Variants in KIAA1217 observed in about 807,000 individuals in gnomAD.
KIAA1217 encodes KIAA1217, also known as sickle tail protein homolog.
KIAA1217 carries 88 observed loss-of-function variants against 163.9 expected under a neutral mutation model. The observed-to-expected ratio is 0.54, with a 90% CI of 0.45 to 0.64. KIAA1217 has a LOEUF of 0.64. Ranked by LOEUF, KIAA1217 falls within the 30% of genes least tolerant of loss-of-function variation. KIAA1217 has a pLI of 0.00. For missense variants in KIAA1217, 2,372 were observed against 2,475.0 expected, an observed-to-expected ratio of 0.96 and a Z score of 0.88; for synonymous variants, 903 against 923.1, an observed-to-expected ratio of 0.98 and a Z score of 0.39.
rs1042827709 is a variant in KIAA1217, at chr10:24,513,404, A to G, written c.2147A>G (p.His716Arg). 6.2e-7 allele frequency: 1 copy of G among 1,614,080 alleles called. No homozygotes were observed. Among genetic ancestry groups the G allele is most frequent in the Non-Finnish European group, 8.5e-7 (1 of 1,180,020 alleles). Residue 716 changes from histidine (H) to arginine (R), a missense_variant, in exon 10 of 21, where the codon CAT becomes CGT. Transcript: ENST00000376454. ...GAGCAAGAGAGACAAAAATATCTTC[A>G]TGAGGAAGAGAAGATCGTCAAGAAG... ...LVEQERQKYL[H>R]EEEKIVKKLC... is the part of the protein sequence containing the mutation.
At chr10:24,537,294 G>A (rs1000403006) in intron 17 of KIAA1217, among the ~76,000 whole-genome samples, 3 of 152,074 alleles carry the variant, frequency 2.0e-5, no homozygotes, top group East Asian at 1.9e-4. Flanking sequence ...GGTAAAAATC[G>A]GCTGGGTGCA....
At chr10:24,504,615 A>G (rs1288308470) in intron 9 of KIAA1217, among the ~76,000 whole-genome samples, 1 of 152,228 alleles carries the variant, frequency 6.6e-6, no homozygotes, top group African/African-American at 2.4e-5. Flanking sequence ...ACGAAACACT[A>G]GACTAGTCTC....
rs184505125 is a variant in KIAA1217, at chr10:23,964,639, G to A, written c.-320-42586G>A. ...GGCACCATCTCGGCTCACTGCAACCGCCACCTCCCAGGTTCAATCAATTCT... is the reference window on the plus strand; with the variant it reads ...GGCACCATCTCGGCTCACTGCAACCACCACCTCCCAGGTTCAATCAATTCT... On this transcript the variant is annotated intron_variant, in intron 1 of 18. Coordinates refer to the KIAA1217 transcript ENST00000376462. 2.6e-3 allele frequency among the ~76,000 whole-genome samples: 399 copies of A among 151,660 alleles called. 1 individual carries two copies. The highest frequency in any genetic ancestry group is 8.9e-3 in the African/African-American group (367 of 41,350).
chr10:23,950,276 A>G (rs542351216), intron 1 of KIAA1217, among the ~76,000 whole-genome samples: 1 of 152,356 alleles, frequency 6.6e-6, no homozygotes, highest in East Asian at 1.9e-4. Flanking sequence ...GAAGTGCTGT[A>G]GAATTCTGTG....
chr10:24,209,266 A>C lies in KIAA1217; in HGVS notation c.70+3A>C, dbSNP rs377261163. The stretch of plus-strand genomic sequence containing the variant: ...AGCAGACAGAAGACAGATGCAGGGT[A>C]AGTAACAGACCCATTCAAAGATGGA... On this transcript the variant is annotated splice_donor_region_variant and intron_variant, in intron 1 of 20. Transcript: ENST00000376454. The C allele has an allele frequency of 6.2e-7, 1 of 1,611,628 alleles. No individual in the cohort carries two copies. Among genetic ancestry groups the C allele is most frequent in the African/African-American group, 1.3e-5 (1 of 74,834 alleles).
intron 5 of KIAA1217, among the ~76,000 whole-genome samples, chr10:24,440,169 G>A (rs1033905989): frequency 9.9e-5 from 15 of 152,082 alleles, no homozygotes; most frequent in Non-Finnish European, 2.1e-4. Flanking sequence ...AAGCTGTGTC[G>A]CTACTTCAGA....
At chr10:23,905,628 C>T (rs889926597) in intron 1 of KIAA1217, among the ~76,000 whole-genome samples, 1 of 151,928 alleles carries the variant, frequency 6.6e-6, no homozygotes, top group African/African-American at 2.4e-5. Flanking sequence ...CTTCTGAGAG[C>T]AAATAAAAGG....
intron 2 of KIAA1217, among the ~76,000 whole-genome samples, chr10:24,174,849 GTGTTGTTGT>G (rs557041494): frequency 1.3e-5 from 2 of 151,850 alleles, no homozygotes; most frequent in African/African-American, 4.8e-5. Context: ...CCAACATGTA[GTGTTGTTGT>G]TGTTGTTGTT....
intron 2 of KIAA1217, among the ~76,000 whole-genome samples, chr10:24,233,538 G>T (rs181005827): frequency 4.6e-5 from 7 of 152,308 alleles, no homozygotes; most frequent in African/African-American, 1.4e-4. Flanking sequence ...TTGAGTATGG[G>T]ATGATCCAGG....
intron 1 of KIAA1217, among the ~76,000 whole-genome samples, chr10:23,934,274 A>G (rs1344134399): frequency 1.3e-5 from 2 of 151,918 alleles, no homozygotes; most frequent in African/African-American, 2.4e-5. Flanking sequence ...ATCTTCACCA[A>G]ACTAACACAG....
intron 3 of KIAA1217, among the ~76,000 whole-genome samples, chr10:24,428,166 T>A (rs1278714819): frequency 6.6e-6 from 1 of 152,188 alleles, no homozygotes; most frequent in Non-Finnish European, 1.5e-5. Context: ...GATACTTAAC[T>A]GTAGGGACGC....
chr10:24,002,240 C>T (rs1846774415), intron 1 of KIAA1217, among the ~76,000 whole-genome samples: 1 of 152,200 alleles, frequency 6.6e-6, no homozygotes, highest in Non-Finnish European at 1.5e-5. Context: ...CAGCTGGTAA[C>T]TAGCAACTTC....
chr10:24,067,854 C>T (rs1374232478), intron 2 of KIAA1217, among the ~76,000 whole-genome samples: 2 of 152,226 alleles, frequency 1.3e-5, no homozygotes, highest in Non-Finnish European at 2.9e-5. Flanking sequence ...GGGTGCCCCT[C>T]CCCCAGCCTC....
chr10:23,916,821 A>C (rs1043811714), intron 1 of KIAA1217, among the ~76,000 whole-genome samples: 2 of 151,820 alleles, frequency 1.3e-5, no homozygotes, highest in African/African-American at 4.8e-5. Context: ...AAAATACAAA[A>C]ATTAGCTGGA....
At chr10:24,229,747 G>C (rs971909046) in intron 2 of KIAA1217, among the ~76,000 whole-genome samples, 3 of 152,076 alleles carry the variant, frequency 2.0e-5, no homozygotes, top group Non-Finnish European at 4.4e-5. Flanking sequence ...TCAAACTCCT[G>C]ACCTTGTGAT....
intron 2 of KIAA1217, among the ~76,000 whole-genome samples, chr10:24,262,491 G>T (rs931318259): frequency 6.6e-6 from 1 of 152,134 alleles, no homozygotes; most frequent in African/African-American, 2.4e-5. Context: ...GCCGGGCGAG[G>T]TGGCGGGCAA....
At chr10:24,214,253 A>G (rs541236142) in intron 1 of KIAA1217, among the ~76,000 whole-genome samples, 229 of 152,314 alleles carry the variant, frequency 1.5e-3, no homozygotes, top group Non-Finnish European at 2.7e-3. Flanking sequence ...TTAATCAGAT[A>G]GGCTAATTGT....
At position 24,473,881 on chromosome 10, in the gene KIAA1217, G is replaced by T. The variant is rs1382893922; in HGVS notation, c.1500G>T (p.Gln500His). 3.1e-6 allele frequency: 5 copies of T among 1,614,118 alleles called. No homozygotes were observed. Among genetic ancestry groups the T allele is most frequent in the Non-Finnish European group, 4.2e-6 (5 of 1,180,018 alleles). The change falls in exon 6 of 21, where the codon CAG becomes CAT. Residue 500 changes from glutamine (Q) to histidine (H), a missense_variant. Transcript: ENST00000376454. ...CCCACGGCCCCCCTCACACCATGCA[G>T]CCAGACCGGGCCTCTCCGAGCCGCC... ...YNAHGPPHTM[Q>H]PDRASPSRQA...
chr10:24,351,240 G>A (rs2048423287), intron 2 of KIAA1217, among the ~76,000 whole-genome samples: 1 of 152,206 alleles, frequency 6.6e-6, no homozygotes. Flanking sequence ...AAGCCACCAT[G>A]CCTGGCCAGT....
Sources: allele counts gnomAD v4.1 joint callset (sites outside exome capture counted in the v4.1 genomes callset), GRCh38; gene constraint gnomAD v4.1.1; transcripts MANE v1.5; gene names NCBI Gene and HGNC (gene_info 2026-07-23, HGNC 2026-07-21).